FAM24B: variants seen among roughly 807,000 people sequenced by gnomAD.
FAM24B encodes the protein protein FAM24B.
In FAM24B, 3 loss-of-function variants were observed where a neutral mutation model predicts 2.3. That is an observed-to-expected ratio of 1.29 (90% CI 0.59 to 3.32). The LOEUF (loss-of-function observed/expected upper bound fraction) is 3.32, where lower values mean the gene tolerates loss of function less well. Among genes scored for constraint, FAM24B ranks in the 30% most tolerant of loss-of-function variants. The probability of loss-of-function intolerance (pLI) is 0.03; values close to 1 mark genes in which losing one functional copy is unlikely to be tolerated. For missense variants in FAM24B, 98 were observed against 117.2 expected, an observed-to-expected ratio of 0.84 and a Z score of 0.76; for synonymous variants, 36 against 46.3, an observed-to-expected ratio of 0.78 and a Z score of 0.90.
intron 1 of FAM24B, among the ~76,000 whole-genome samples, chr10:122,871,578 C>T (rs1335910503): frequency 6.6e-6 from 1 of 151,904 alleles, no homozygotes; most frequent in Non-Finnish European, 1.5e-5. Context: ...GGTACTGGTA[C>T]CAAAACAGAG....
intron 1 of FAM24B, among the ~76,000 whole-genome samples, chr10:122,871,406 T>G (rs940661425): frequency 6.6e-6 from 1 of 152,170 alleles, no homozygotes; most frequent in Non-Finnish European, 1.5e-5. Flanking sequence ...AAGCTACCAA[T>G]GACTTTCTTC....
At chr10:122,874,664 A>C (rs1239114437) in intron 1 of FAM24B, among the ~76,000 whole-genome samples, 1 of 151,758 alleles carries the variant, frequency 6.6e-6, no homozygotes, top group Non-Finnish European at 1.5e-5. Flanking sequence ...CCTTTCAATG[A>C]CTCTTTGACT....
At chr10:122,866,499 G>C (rs1847806286) in intron 1 of FAM24B, among the ~76,000 whole-genome samples, 2 of 151,822 alleles carry the variant, frequency 1.3e-5, no homozygotes, top group African/African-American at 4.8e-5. Context: ...GAAGATTTCT[G>C]GCAACCCTGT....
At chr10:122,862,337 A>G (rs112223496) in intron 1 of FAM24B, among the ~76,000 whole-genome samples, 2,238 of 152,300 alleles carry the variant, frequency 0.015, 54 homozygotes, top group African/African-American at 0.045. Flanking sequence ...TGCCATGACA[A>G]CATGGACCGT....
intron 1 of FAM24B, among the ~76,000 whole-genome samples, chr10:122,867,177 C>T (rs993170716): frequency 3.9e-5 from 6 of 152,222 alleles, no homozygotes; most frequent in African/African-American, 9.6e-5. Flanking sequence ...CTCTTCAATT[C>T]TGTGAAAGCT....
intron 1 of FAM24B, among the ~76,000 whole-genome samples, chr10:122,867,046 G>C (rs1847814480): frequency 2.0e-5 from 3 of 152,186 alleles, no homozygotes; most frequent in Admixed American, 2.0e-4. Context: ...TGAACACACA[G>C]ATAAGGATAC....
At chr10:122,853,312 T>C (rs1468922149) in intron 2 of FAM24B, among the ~76,000 whole-genome samples, 1 of 152,170 alleles carries the variant, frequency 6.6e-6, no homozygotes, top group African/African-American at 2.4e-5. Flanking sequence ...TTTTGTACCC[T>C]GGGCCCTTCG....
At chr10:122,850,056 C>T (rs1302657641) in intron 3 of FAM24B, among the ~76,000 whole-genome samples, 2 of 152,130 alleles carry the variant, frequency 1.3e-5, no homozygotes, top group African/African-American at 4.8e-5. Flanking sequence ...TTCATGCAGC[C>T]TCCCCCACAG....
At chr10:122,870,946 C>T (rs531572043) in intron 1 of FAM24B, among the ~76,000 whole-genome samples, 2 of 152,214 alleles carry the variant, frequency 1.3e-5, no homozygotes, top group East Asian at 3.9e-4. Flanking sequence ...GGCAATCAGG[C>T]AGAAGAAGGA....
At chr10:122,869,313 A>C (rs375598108) in intron 1 of FAM24B, among the ~76,000 whole-genome samples, 1 of 152,242 alleles carries the variant, frequency 6.6e-6, no homozygotes, top group Non-Finnish European at 1.5e-5. Flanking sequence ...AAAGAGACTT[A>C]GACTCCCACA....
At chr10:122,861,596 T>C (rs560165821) in intron 1 of FAM24B, among the ~76,000 whole-genome samples, 1 of 152,348 alleles carries the variant, frequency 6.6e-6, no homozygotes, top group South Asian at 2.1e-4. Context: ...TTTATTTAGA[T>C]ATTCTTTGAT....
chr10:122,868,444 T>G lies in FAM24B; in HGVS notation c.-178+11041A>C, dbSNP rs1847837053. Among the ~76,000 whole-genome samples the G allele has an allele frequency of 2.0e-5, 3 of 152,246 alleles. No individual in the cohort carries two copies. The South Asian group carries it at 6.2e-4, about 32-fold the overall frequency. ...GGAAATATAGAGAACGCCACAAAGA[T>G]ACTCCTGGAGAAGAGCAACTCCAAG... On this transcript the variant is annotated intron_variant, in intron 1 of 3. Coordinates refer to ENST00000368898, the MANE Select transcript of FAM24B (RefSeq NM_152644.3).
At chr10:122,877,293 C>T (rs1847989864) in intron 1 of FAM24B, among the ~76,000 whole-genome samples, 4 of 152,072 alleles carry the variant, frequency 2.6e-5, no homozygotes, top group Admixed American at 2.6e-4. Flanking sequence ...TAAGGCCAGC[C>T]ACAATTCTCA....
intron 1 of FAM24B, among the ~76,000 whole-genome samples, chr10:122,872,868 A>G (rs1490706217): frequency 4.6e-5 from 7 of 152,296 alleles, no homozygotes; most frequent in African/African-American, 1.2e-4. Flanking sequence ...GCACACCAAC[A>G]TGGCACATGT....
chr10:122,852,109 T>A (rs1847548508), intron 2 of FAM24B, among the ~76,000 whole-genome samples: 1 of 152,192 alleles, frequency 6.6e-6, no homozygotes, highest in Admixed American at 6.5e-5. Context: ...TGCACAAACA[T>A]GTGAAGGGCT....
At chr10:122,850,160 C>A (rs1252418344) in intron 3 of FAM24B, among the ~76,000 whole-genome samples, 1 of 152,142 alleles carries the variant, frequency 6.6e-6, no homozygotes, top group African/African-American at 2.4e-5. Flanking sequence ...CCAGTGACAG[C>A]CAAGCAGCGC....
intron 1 of FAM24B, among the ~76,000 whole-genome samples, chr10:122,869,896 C>T (rs978761307): frequency 1.4e-4 from 21 of 152,228 alleles, no homozygotes; most frequent in Admixed American, 1.2e-3. Context: ...AAAGCAAACA[C>T]ATTCAAAAGC....
intron 1 of FAM24B, among the ~76,000 whole-genome samples, chr10:122,861,990 T>C (rs1461337210): frequency 6.6e-6 from 1 of 152,214 alleles, no homozygotes; most frequent in Non-Finnish European, 1.5e-5. Context: ...CCACCTCCCA[T>C]CTTGCTTTCT....
At chr10:122,849,865 C>A (rs1847498460) in intron 3 of FAM24B, among the ~76,000 whole-genome samples, 1 of 152,178 alleles carries the variant, frequency 6.6e-6, no homozygotes, top group African/African-American at 2.4e-5. Flanking sequence ...ATCTGACCTA[C>A]CCTCCCTTGT....
Sources: gnomAD v4.1 joint callset for allele counts (sites outside exome capture counted in the v4.1 genomes callset) on GRCh38, gnomAD v4.1.1 for gene constraint, MANE v1.5 for transcripts, NCBI Gene and HGNC (gene_info 2026-07-23, HGNC 2026-07-21) for gene names.